COL9A1: variants seen among roughly 807,000 people sequenced by gnomAD.
The protein encoded by COL9A1 is collagen type IX alpha 1 chain.
Under a neutral mutation model 142.6 loss-of-function variants are expected in COL9A1, and 104 were observed. The ratio of observed to expected loss-of-function variants is 0.73; its 90% confidence interval spans 0.62 to 0.86. The LOEUF (loss-of-function observed/expected upper bound fraction) is 0.86. COL9A1 is among the 40% of genes least tolerant of loss of function. The pLI, the probability that COL9A1 is intolerant of heterozygous loss-of-function variation, is 0.00. For synonymous variants in COL9A1, 466 were observed against 396.0 expected (o/e 1.18, Z -2.10); for missense variants, 1,210 against 1,176.6 (o/e 1.03, Z -0.42).
At chr6:70,252,445 G>A in intron 26 of COL9A1, 130 bp from the exon 27 acceptor site, 2 of 798,174 alleles carry the variant, frequency 2.5e-6, no homozygotes, top group Admixed American at 4.0e-5. Context: ...GAGAATCTGG[G>A]AATGTGCAGA....
intron 33 of COL9A1, among the ~76,000 whole-genome samples, chr6:70,235,593 A>C (rs1035902853): frequency 6.6e-5 from 10 of 152,204 alleles, no homozygotes; most frequent in African/African-American, 2.4e-4. Context: ...GTTTTCAATA[A>C]GCTTGTTAAC....
chr6:70,229,600 C>G lies in COL9A1; in HGVS notation c.2503+2983G>C, dbSNP rs1188650878. ...AACCTTCATTTACATATTGCAGTGT[C>G]TGTTTGATTCACACTAAAATATCTA... On this transcript the variant is annotated intron_variant, in intron 36 of 37. Coordinates refer to ENST00000357250, the MANE Select transcript of COL9A1 (RefSeq NM_001851.6). 2.0e-5 allele frequency among the ~76,000 whole-genome samples: 3 copies of G among 152,254 alleles called. No individual in the cohort carries two copies. The East Asian group carries it at 5.8e-4, about 29-fold the overall frequency.
rs771382737 is a variant in COL9A1, at chr6:70,281,013, CG to C, written c.902del (p.Pro301ArgfsTer27). 6.2e-7 allele frequency: 1 copy of C among 1,613,310 alleles called. No homozygotes were observed. Among genetic ancestry groups the C allele is most frequent in the Non-Finnish European group, 8.5e-7 (1 of 1,179,814 alleles). On this transcript the variant is annotated frameshift_variant, in exon 9 of 38. Transcript: ENST00000357250. LOFTEE classifies it high-confidence loss of function. ...IDGDRGPKGP[P>X]GPPGPAGEPG... ...GCTCCAATCAACTTACCGGGGGGCCCGGGGGGCCCTTAGGACCTCGGTCACC... is the reference window on the plus strand; with the variant it reads ...GCTCCAATCAACTTACCGGGGGGCCCGGGGGCCCTTAGGACCTCGGTCACC...
intron 34 of COL9A1, 56 bp from the exon 35 acceptor site, chr6:70,234,649 G>A (rs1769782364): frequency 3.7e-6 from 6 of 1,609,894 alleles, no homozygotes; most frequent in Non-Finnish European, 5.1e-6. Flanking sequence ...AGAGAACATT[G>A]TTAAGTTGTA....
At chr6:70,267,327 G>GTTTTTTTTTTTTTTTTTTT (rs61373051) in intron 17 of COL9A1, among the ~76,000 whole-genome samples, 1,406 of 126,838 alleles carry the variant, frequency 0.011, 47 homozygotes, top group Non-Finnish European at 0.018. Flanking sequence ...TGGTTTTTTT[G>GTTTTTTTTTTTTTTTTTTT]TTTTTTTTTT....
intron 1 of COL9A1, among the ~76,000 whole-genome samples, chr6:70,302,618 T>C (rs576821401): frequency 1.2e-4 from 19 of 152,138 alleles, no homozygotes; most frequent in African/African-American, 3.1e-4. Context: ...CCTATCTCAC[T>C]GTTTTGGTAC....
chr6:70,242,792 A>G lies in COL9A1; in HGVS notation c.1873-77T>C, dbSNP rs1333866479. 5.0e-6 allele frequency: 7 copies of G among 1,412,992 alleles called. No individual in the cohort carries two copies. The East Asian group carries it at 1.4e-4, about 28-fold the overall frequency. The allele number at this position is 1,412,992 out of a possible 1,614,324, so 87.5% of individuals were successfully genotyped here. On this transcript the variant is annotated intron_variant, in intron 28 of 37. Coordinates refer to ENST00000357250, the MANE Select transcript of COL9A1 (RefSeq NM_001851.6). ...TTAGTTACTATGTAAATAAAATAAC[A>G]TCCTACCTAGGTTTTTTTCCTTCAG...
At chr6:70,230,167 A>G (rs1247451849) in intron 36 of COL9A1, among the ~76,000 whole-genome samples, 1 of 152,206 alleles carries the variant, frequency 6.6e-6, no homozygotes, top group Non-Finnish European at 1.5e-5. Flanking sequence ...TGCTCAGGGA[A>G]ATTTCAGCTG....
At chr6:70,254,622 G>C in intron 24 of COL9A1, 93 bp from the exon 25 acceptor site, 1 of 1,074,938 alleles carries the variant, frequency 9.3e-7, no homozygotes, top group East Asian at 3.2e-5. Context: ...TAAGTAAAAG[G>C]ATTGTCCCAA....
At chr6:70,226,195 A>T (rs1410760894) in intron 36 of COL9A1, among the ~76,000 whole-genome samples, 186 bp from the exon 37 acceptor site, 1 of 152,190 alleles carries the variant, frequency 6.6e-6, no homozygotes, top group East Asian at 1.9e-4. Context: ...AAGGGGGGAA[A>T]ATCAAATTAT....
downstream of COL9A1, chr6:70,215,841 A>G (rs1461838551): frequency 6.6e-6 from 1 of 152,016 alleles, no homozygotes; most frequent in Non-Finnish European, 1.5e-5. Flanking sequence ...ATAGATGCGC[A>G]TGCAGCTGCA....
chr6:70,270,178 G>A, intron 15 of COL9A1, 136 bp downstream of exon 15: 1 of 791,198 alleles, frequency 1.3e-6, no homozygotes, highest in East Asian at 2.5e-5. Flanking sequence ...GCCCTTGAGT[G>A]CATGGAAAAA....
intron 4 of COL9A1, among the ~76,000 whole-genome samples, chr6:70,294,769 A>T (rs1352744668): frequency 1.3e-5 from 2 of 152,216 alleles, no homozygotes; most frequent in Non-Finnish European, 2.9e-5. Flanking sequence ...GTCCGTCTTA[A>T]ATTACACATT....
At chr6:70,254,880 T>C in intron 24 of COL9A1, 83 bp downstream of exon 24, 1 of 1,278,128 alleles carries the variant, frequency 7.8e-7, no homozygotes, top group Non-Finnish European at 1.1e-6. Context: ...AATCTTTTGG[T>C]GATTTAGTAA....
intron 6 of COL9A1, 90 bp downstream of exon 6, chr6:70,283,647 G>C: frequency 1.1e-6 from 1 of 914,566 alleles, no homozygotes; most frequent in South Asian, 1.4e-5. Flanking sequence ...GGGAGGAGGG[G>C]TGCTGGGGAG....
chr6:70,221,141 A>C (rs2127548231), intron 37 of COL9A1, among the ~76,000 whole-genome samples: 1 of 152,282 alleles, frequency 6.6e-6, no homozygotes, highest in East Asian at 1.9e-4. Flanking sequence ...TTCTCTATAA[A>C]ACCACTAGAG....
At chr6:70,297,663 C>G (rs757196990) in intron 4 of COL9A1, among the ~76,000 whole-genome samples, 4 of 152,020 alleles carry the variant, frequency 2.6e-5, no homozygotes, top group African/African-American at 7.2e-5. Flanking sequence ...TATATTACAG[C>G]CTTCAAAGAG....
chr6:70,233,709 G>A (rs191564703), intron 35 of COL9A1, among the ~76,000 whole-genome samples: 2 of 152,304 alleles, frequency 1.3e-5, no homozygotes, highest in Admixed American at 1.3e-4. Context: ...TGTCTGCAAT[G>A]AAGAGGCCTA....
chr6:70,302,189 G>GT (rs199520801), intron 1 of COL9A1, 115 bp from the exon 2 acceptor site: 813 of 484,300 alleles, frequency 1.7e-3, no homozygotes, highest in East Asian at 2.3e-3. Context: ...TCACAGTATA[G>GT]TTTTTTTTTC....
Sources: gnomAD v4.1 joint callset for allele counts (sites outside exome capture counted in the v4.1 genomes callset) on GRCh38, gnomAD v4.1.1 for gene constraint, MANE v1.5 for transcripts, NCBI Gene and HGNC (gene_info 2026-07-23, HGNC 2026-07-21) for gene names.